The following SOX5 variants were observed in gnomAD, a reference collection of about 807,000 sequenced individuals.
SOX5 encodes the protein SRY-box transcription factor 5, also known as transcription factor SOX-5.
In SOX5, 9 loss-of-function variants were observed where a neutral mutation model predicts 92.0. The ratio of observed to expected loss-of-function variants is 0.10; its 90% CI spans 0.06 to 0.17. The LOEUF (loss-of-function observed/expected upper bound fraction) is 0.17. Ranked by LOEUF, SOX5 falls within the 10% of genes least tolerant of loss-of-function variation. The pLI, the probability that SOX5 is intolerant of heterozygous loss-of-function variation, is 1.00. For missense variants in SOX5, 642 were observed against 944.5 expected (o/e 0.68, Z 4.20); for synonymous variants, 344 against 336.3 (o/e 1.02, Z -0.25).
intron 1 of SOX5, among the ~76,000 whole-genome samples, chr12:24,443,715 A>C (rs1420259706): frequency 1.3e-5 from 2 of 152,212 alleles, no homozygotes; most frequent in African/African-American, 2.4e-5. Context: ...GCTGCACAAT[A>C]ATCAGTATTG....
intron 6 of SOX5, among the ~76,000 whole-genome samples, chr12:23,677,583 AC>A (rs2085914171): frequency 6.6e-6 from 1 of 152,164 alleles, no homozygotes; most frequent in African/African-American, 2.4e-5. Context: ...CTAAAGCAAA[AC>A]AAAACCTTTT....
At chr12:23,644,104 T>C (rs2138835608) in intron 7 of SOX5, among the ~76,000 whole-genome samples, 1 of 152,308 alleles carries the variant, frequency 6.6e-6, no homozygotes, top group East Asian at 1.9e-4. Context: ...TATTTTACAT[T>C]TGAGATTAAG....
intron 2 of SOX5, among the ~76,000 whole-genome samples, chr12:23,877,901 A>C (rs907960321): frequency 3.9e-5 from 6 of 151,956 alleles, no homozygotes; most frequent in Non-Finnish European, 7.4e-5. Context: ...GTATATAAAA[A>C]AGTTTATCTA....
chr12:23,825,071 G>C lies in SOX5; in HGVS notation c.481+20912C>G, dbSNP rs117815445. The stretch of plus-strand genomic sequence containing the variant: ...CTGGGCTGGACCACTCGGCTCCCTA[G>C]CTTCAGCCCCCTTTCCAGGGGGAGT... On this transcript the variant is annotated intron_variant, in intron 3 of 14. Coordinates refer to ENST00000451604, the MANE Select transcript of SOX5 (RefSeq NM_006940.6). Among the ~76,000 whole-genome samples, 90 of 152,216 alleles carry C rather than the reference G, an allele frequency of 5.9e-4. 1 individual carries two copies. The East Asian group carries it at 0.017, about 29-fold the overall frequency.
rs68032222 is a variant in SOX5, at chr12:23,808,114, G to GAT, written c.481+37867_481+37868dup. On this transcript the variant is annotated intron_variant, in intron 3 of 14. Transcript: ENST00000451604. ...ATCCTTGTTTTCCCTTCAGAATTCT[G>GAT]ATATATATATATATATATTTTTATA... Among the ~76,000 whole-genome samples the GAT allele has an allele frequency of 2.8e-3, 416 of 149,934 alleles. 3 individuals are homozygous for GAT. Among genetic ancestry groups the GAT allele is most frequent in the African/African-American group, 8.4e-3 (345 of 40,892 alleles).
At chr12:23,612,807 A>G (rs893263579) in intron 8 of SOX5, among the ~76,000 whole-genome samples, 2 of 152,162 alleles carry the variant, frequency 1.3e-5, no homozygotes, top group African/African-American at 4.8e-5. Context: ...GGAACAGGGA[A>G]TATCATTTGT....
intron 1 of SOX5, among the ~76,000 whole-genome samples, chr12:24,537,074 C>T (rs186919807): frequency 2.5e-3 from 385 of 152,264 alleles, no homozygotes; most frequent in Non-Finnish European, 4.2e-3. Context: ...ATAGACATGA[C>T]TGAATTCATA....
chr12:24,331,165 T>C (rs1234910413), intron 2 of SOX5: 2 of 152,054 alleles, frequency 1.3e-5, no homozygotes, highest in African/African-American at 4.8e-5. Flanking sequence ...GCCAAAGAAA[T>C]TGTCCGAGCT....
chr12:24,021,867 C>T (rs1284593554), intron 4 of SOX5, among the ~76,000 whole-genome samples: 5 of 152,168 alleles, frequency 3.3e-5, no homozygotes, highest in East Asian at 1.9e-4. Context: ...ATGTACTCTA[C>T]GTTTAGTCAT....
chr12:23,749,350 T>C (rs1227999981), intron 4 of SOX5, among the ~76,000 whole-genome samples: 1 of 151,958 alleles, frequency 6.6e-6, no homozygotes, highest in East Asian at 1.9e-4. Flanking sequence ...TGTACCCTAA[T>C]ACTATAAGTA....
intron 1 of SOX5, among the ~76,000 whole-genome samples, chr12:24,484,206 C>A (rs186927812): frequency 7.1e-4 from 108 of 152,188 alleles, no homozygotes; most frequent in Middle Eastern, 3.4e-3. Context: ...TAAGTCAATC[C>A]CTTCGACTCA....
At chr12:24,257,393 A>G (rs1395637870) in intron 3 of SOX5, among the ~76,000 whole-genome samples, 2 of 152,208 alleles carry the variant, frequency 1.3e-5, no homozygotes, top group Non-Finnish European at 2.9e-5. Flanking sequence ...AAATTGTTCC[A>G]GGTGATTTCT....
chr12:23,685,599 A>T (rs922853839), intron 6 of SOX5, among the ~76,000 whole-genome samples: 29 of 151,656 alleles, frequency 1.9e-4, no homozygotes, highest in African/African-American at 7.0e-4. Context: ...GGTTTCTCAT[A>T]TTTTTTCTAG....
At chr12:24,399,183 A>G (rs1318408092) in intron 1 of SOX5, among the ~76,000 whole-genome samples, 1 of 152,030 alleles carries the variant, frequency 6.6e-6, no homozygotes, top group East Asian at 1.9e-4. Flanking sequence ...TTCAAATTTT[A>G]CAAAAAAAAA....
chr12:23,557,249 C>T (rs1352177934), intron 11 of SOX5, among the ~76,000 whole-genome samples: 3 of 152,162 alleles, frequency 2.0e-5, no homozygotes, highest in Middle Eastern at 3.2e-3. Flanking sequence ...AATGAAACTA[C>T]TGTCATTATT....
intron 2 of SOX5, among the ~76,000 whole-genome samples, chr12:24,355,280 ATCTTTTTTTTTTTTTTTTTTTT>A (rs1954667358): frequency 1.2e-5 from 1 of 84,034 alleles, no homozygotes; most frequent in African/African-American, 5.8e-5. Context: ...TGAGGGGTGC[ATCTTTTTTTTTTTTTTTTTTTT>A]TTTTTTTTTT....
At position 24,037,300 on chromosome 12, in the gene SOX5, T is replaced by G. The variant is rs544351351; in HGVS notation, c.-1-141276A>C. ...AGTGAATCCTATTAACTAGATAGGT[T>G]GATATGTAGACAGACATTCACCCCC... On this transcript the variant is annotated intron_variant, in intron 4 of 4. Coordinates refer to the SOX5 transcript ENST00000446891. Among the ~76,000 whole-genome samples, 11 of 152,282 alleles carry G rather than the reference T, an allele frequency of 7.2e-5. No homozygotes were observed. In the South Asian group the frequency reaches 2.3e-3, roughly 32 times the overall value.
chr12:23,550,205 AC>A (rs1278354491), intron 11 of SOX5, among the ~76,000 whole-genome samples: 3 of 151,828 alleles, frequency 2.0e-5, no homozygotes, highest in Non-Finnish European at 4.4e-5. Flanking sequence ...TAAGCCAAAA[AC>A]CATTCTGAAT....
intron 3 of SOX5, among the ~76,000 whole-genome samples, chr12:23,837,975 A>G (rs1418068771): frequency 4.8e-5 from 6 of 123,876 alleles, no homozygotes; most frequent in South Asian, 2.3e-4. Flanking sequence ...TATTTATATA[A>G]TATATATTTA....
Sources: gnomAD v4.1 joint callset for allele counts (sites outside exome capture counted in the v4.1 genomes callset) on GRCh38, gnomAD v4.1.1 for gene constraint, MANE v1.5 for transcripts, NCBI Gene and HGNC (gene_info 2026-07-23, HGNC 2026-07-21) for gene names.